The following UIMC1 variants were observed in gnomAD, a reference collection of about 807,000 sequenced individuals.
UIMC1 encodes the protein BRCA1-A complex subunit RAP80.
UIMC1 carries 42 observed loss-of-function variants against 84.9 expected under a neutral mutation model. That is an observed-to-expected ratio of 0.49 (90% CI 0.39 to 0.64). The LOEUF is 0.64. UIMC1 is among the 30% of genes least tolerant of loss of function. UIMC1 has a pLI of 0.00. For synonymous variants in UIMC1, 281 were observed against 293.0 expected, an observed-to-expected ratio of 0.96 and a Z score of 0.42; for missense variants, 825 against 847.6, an observed-to-expected ratio of 0.97 and a Z score of 0.33.
At position 176,907,151 on chromosome 5, in the gene UIMC1, G is replaced by C. The variant is rs776008857; in HGVS notation, c.1875C>G (p.Leu625=). The C allele has an allele frequency of 4.3e-6, 7 of 1,613,776 alleles. No individual in the cohort carries two copies. The South Asian group carries it at 6.6e-5, about 15-fold the overall frequency. The change falls in exon 13 of 15, where the codon CTC becomes CTG. Residue 625 remains leucine, a synonymous_variant. Transcript: ENST00000511320. ...PKEKGHSEGR[L]LSFLEQSEHK... ...GCTCAGACTGTTCCAAGAAACTAAG[G>C]AGTCGGCCTTCACTGTGGCCTTTTT...
chr5:177,005,441 T>C (rs973958832), intron 1 of UIMC1, among the ~76,000 whole-genome samples: 13 of 152,082 alleles, frequency 8.5e-5, no homozygotes, highest in African/African-American at 2.7e-4. Flanking sequence ...GGTAAATGCA[T>C]ACCTACACAC....
At chr5:176,940,710 T>C (rs1321078648) in intron 10 of UIMC1, among the ~76,000 whole-genome samples, 2 of 152,202 alleles carry the variant, frequency 1.3e-5, no homozygotes, top group Admixed American at 6.5e-5. Context: ...CTTTAGGGAC[T>C]ACAATGCTAT....
chr5:176,911,438 G>A (rs1046024400), intron 10 of UIMC1, 49 bp from the exon 11 acceptor site: 5 of 1,297,418 alleles, frequency 3.9e-6, no homozygotes, highest in Admixed American at 5.7e-5. Flanking sequence ...GCTGCCAGTA[G>A]ACTCTGAATA....
intron 10 of UIMC1, among the ~76,000 whole-genome samples, chr5:176,917,867 G>A (rs1484431665): frequency 2.0e-5 from 3 of 152,152 alleles, no homozygotes; most frequent in African/African-American, 7.2e-5. Context: ...GCTGAGGCAG[G>A]AGAATTGCTT....
intron 2 of UIMC1, among the ~76,000 whole-genome samples, chr5:176,981,421 G>A (rs913964342): frequency 4.6e-5 from 7 of 152,104 alleles, no homozygotes; most frequent in African/African-American, 1.7e-4. Context: ...TAGGATTACA[G>A]GTGTGAGCTG....
intron 10 of UIMC1, among the ~76,000 whole-genome samples, chr5:176,929,528 C>T (rs891498749): frequency 2.0e-5 from 3 of 152,020 alleles, no homozygotes; most frequent in African/African-American, 7.3e-5. Flanking sequence ...AATCGTGCCA[C>T]TGCACTCCAG....
At chr5:176,933,135 G>A (rs1030901956) in intron 10 of UIMC1, among the ~76,000 whole-genome samples, 1 of 152,100 alleles carries the variant, frequency 6.6e-6, no homozygotes, top group African/African-American at 2.4e-5. Flanking sequence ...GAACTGACGG[G>A]TGAGTGAAAC....
At chr5:176,950,421 C>A (rs868320398) in intron 9 of UIMC1, among the ~76,000 whole-genome samples, 2 of 151,730 alleles carry the variant, frequency 1.3e-5, no homozygotes, top group African/African-American at 4.8e-5. Context: ...TCTTACAGTG[C>A]GCAGGATAAG....
rs76333961 is a variant in UIMC1 at position 176,911,234 on chromosome 5, T to C, written c.1676+77A>G. On this transcript the variant is annotated intron_variant, in intron 11 of 14. Transcript: ENST00000511320. Reference sequence around the variant, plus strand: ...CAGGCCAAAGAAATACAGGGTAAGATAGGAATTGGTCTTTTTATTCAGTCC... The same window carrying C: ...CAGGCCAAAGAAATACAGGGTAAGACAGGAATTGGTCTTTTTATTCAGTCC... 1,076 of 1,211,874 alleles carry C rather than the reference T, an allele frequency of 8.9e-4. 13 individuals are homozygous for C. In the African/African-American group the frequency reaches 0.015, roughly 17 times the overall value. The allele number at this position is 1,211,874 out of a possible 1,614,324, so 75.1% of individuals were successfully genotyped here.
chr5:176,984,181 G>A (rs576651606), intron 1 of UIMC1, among the ~76,000 whole-genome samples: 68 of 129,452 alleles, frequency 5.3e-4, no homozygotes, highest in African/African-American at 1.9e-3. Context: ...GCCTCTGCCC[G>A]GCCGCCCCGA....
At chr5:176,973,877 G>A (rs188681634) in intron 3 of UIMC1, among the ~76,000 whole-genome samples, 2 of 152,078 alleles carry the variant, frequency 1.3e-5, no homozygotes, top group Non-Finnish European at 2.9e-5. Flanking sequence ...GGACAACAGA[G>A]GGAGACCCTG....
At chr5:176,911,418 C>T (rs779401564) in intron 10 of UIMC1, 29 bp from the exon 11 acceptor site, 13 of 1,408,370 alleles carry the variant, frequency 9.2e-6, no homozygotes, top group South Asian at 4.9e-5. Flanking sequence ...TATATATATA[C>T]ACATAGTTAG....
intron 1 of UIMC1, among the ~76,000 whole-genome samples, chr5:176,992,589 C>T (rs1268114233): frequency 2.6e-5 from 4 of 151,842 alleles, no homozygotes; most frequent in African/African-American, 7.3e-5. Context: ...CATTAAGAAG[C>T]CACAGAATGA....
intron 12 of UIMC1, among the ~76,000 whole-genome samples, chr5:176,908,126 T>C (rs1483340216): frequency 6.6e-6 from 1 of 152,154 alleles, no homozygotes; most frequent in Non-Finnish European, 1.5e-5. Context: ...TAGTACTAGA[T>C]ATATAGTATG....
chr5:176,978,796 G>C (rs535336170), intron 2 of UIMC1, among the ~76,000 whole-genome samples: 1 of 152,222 alleles, frequency 6.6e-6, no homozygotes, highest in South Asian at 2.1e-4. Context: ...AAGGACATCT[G>C]ATTAAACATA....
At chr5:176,937,037 C>T (rs1332730571) in intron 10 of UIMC1, among the ~76,000 whole-genome samples, 1 of 152,138 alleles carries the variant, frequency 6.6e-6, no homozygotes, top group African/African-American at 2.4e-5. Context: ...AGTAGGTATA[C>T]AATAAATACG....
At chr5:176,987,836 G>C (rs1772254484) in intron 1 of UIMC1, among the ~76,000 whole-genome samples, 2 of 145,008 alleles carry the variant, frequency 1.4e-5, no homozygotes, top group East Asian at 4.2e-4. Context: ...AAAAAAAAAA[G>C]ACATCAAACG....
chr5:177,009,404 G>A (rs1394268578), upstream of UIMC1, among the ~76,000 whole-genome samples: 1 of 151,604 alleles, frequency 6.6e-6, no homozygotes, highest in African/African-American at 2.4e-5. The surrounding 1 kb of genome is among the most constrained non-coding windows in gnomAD (Gnocchi z 4.3). Flanking sequence ...ACAGAAAATA[G>A]CAGAGTTAGG....
chr5:176,970,508 T>C (rs577203379), intron 4 of UIMC1: 19 of 546,710 alleles, frequency 3.5e-5, no homozygotes, highest in Non-Finnish European at 5.7e-5. Context: ...CTTTCAACCA[T>C]GAACTAAAAA....
Sources: gnomAD v4.1 joint callset for allele counts (sites outside exome capture counted in the v4.1 genomes callset) on GRCh38, gnomAD v4.1.1 for gene constraint, Gnocchi (gnomAD v3.1) non-coding constraint, MANE v1.5 for transcripts, NCBI Gene and HGNC (gene_info 2026-07-23, HGNC 2026-07-21) for gene names.